Variants in GRIK4 observed in about 807,000 individuals in gnomAD.
GRIK4 encodes glutamate receptor ionotropic, kainate 4.
GRIK4 carries 40 observed loss-of-function variants against 104.9 expected under a neutral mutation model. The ratio of observed to expected loss-of-function variants is 0.38; its 90% CI spans 0.30 to 0.50. GRIK4 has a LOEUF of 0.50. Among genes scored for constraint, GRIK4 ranks in the 20% least tolerant of loss-of-function variants. GRIK4 has a pLI of 0.93. For synonymous variants in GRIK4, 485 were observed against 524.9 expected, an observed-to-expected ratio of 0.92 and a Z score of 1.04; for missense variants, 1,047 against 1,308.1, an observed-to-expected ratio of 0.80 and a Z score of 3.08.
At chr11:120,740,928 G>A (rs1034943035) in intron 3 of GRIK4, among the ~76,000 whole-genome samples, 1 of 152,158 alleles carries the variant, frequency 6.6e-6, no homozygotes, top group African/African-American at 2.4e-5. Flanking sequence ...ATCTGAGACT[G>A]CACTGAGTGT....
At chr11:120,729,643 T>C (rs1382504218) in intron 3 of GRIK4, among the ~76,000 whole-genome samples, 1 of 152,204 alleles carries the variant, frequency 6.6e-6, no homozygotes, top group Non-Finnish European at 1.5e-5. Context: ...TTGAGCTCCT[T>C]ATATATTCTG....
At chr11:120,528,159 T>C (rs1947880138) in intron 1 of GRIK4, among the ~76,000 whole-genome samples, 1 of 152,212 alleles carries the variant, frequency 6.6e-6, no homozygotes, top group African/African-American at 2.4e-5. Flanking sequence ...GTATTTTTTG[T>C]GCAGACGTGG....
At chr11:120,984,014 G>GGGGCCT (rs1489526100) in intron 20 of GRIK4, among the ~76,000 whole-genome samples, 1 of 152,064 alleles carries the variant, frequency 6.6e-6, no homozygotes, top group African/African-American at 2.4e-5. Context: ...GGGTGTGATG[G>GGGGCCT]GGGCCTATAA....
intron 14 of GRIK4, among the ~76,000 whole-genome samples, chr11:120,948,985 G>A (rs770361494): frequency 3.3e-5 from 5 of 152,178 alleles, no homozygotes; most frequent in Non-Finnish European, 7.3e-5. Flanking sequence ...TCAATCTTGG[G>A]CAGTCTGGCT....
At chr11:120,894,373 C>G (rs920468548) in intron 11 of GRIK4, 1 of 152,228 alleles carries the variant, frequency 6.6e-6, no homozygotes, top group Admixed American at 6.5e-5. Context: ...TCCAACTTTG[C>G]GTTGCTGGTT....
At chr11:120,946,635 C>G (rs570077883) in intron 14 of GRIK4, among the ~76,000 whole-genome samples, 12 of 152,288 alleles carry the variant, frequency 7.9e-5, no homozygotes, top group Admixed American at 3.9e-4. Flanking sequence ...CATATACAGT[C>G]TCTGGTTTAA....
chr11:120,884,201 A>G lies in GRIK4; in HGVS notation c.1164+8958A>G, dbSNP rs112969092. On this transcript the variant is annotated intron_variant, in intron 11 of 20. Transcript: ENST00000527524. ...TCAAGCAGGGATGGTGATCATCATC[A>G]TATCTGCTTTATGTGCATCATAAAA... Among the ~76,000 whole-genome samples, 99 of 152,362 alleles carry G rather than the reference A, an allele frequency of 6.5e-4. 1 individual carries two copies. The highest frequency in any genetic ancestry group is 2.4e-3 in the African/African-American group (98 of 41,588).
chr11:120,690,580 A>C (rs927032914), intron 3 of GRIK4, among the ~76,000 whole-genome samples: 1 of 152,244 alleles, frequency 6.6e-6, no homozygotes, highest in Non-Finnish European at 1.5e-5. Flanking sequence ...CATGAATTGG[A>C]AGCCGGGTAA....
At chr11:120,604,171 C>CAAAAAA (rs59469495) in intron 1 of GRIK4, among the ~76,000 whole-genome samples, 1 of 51,780 alleles carries the variant, frequency 1.9e-5, no homozygotes, top group African/African-American at 8.1e-5. Context: ...GACTCCTTCT[C>CAAAAAA]AAAAAAAAAA....
At chr11:120,579,924 T>C (rs1313640878) in intron 1 of GRIK4, among the ~76,000 whole-genome samples, 1 of 151,846 alleles carries the variant, frequency 6.6e-6, no homozygotes, top group Admixed American at 6.6e-5. Flanking sequence ...CCTCCCACCC[T>C]TGGCGACCAC....
chr11:120,874,765 A>T (rs1954729583), intron 10 of GRIK4, among the ~76,000 whole-genome samples: 1 of 152,162 alleles, frequency 6.6e-6, no homozygotes, highest in South Asian at 2.1e-4. Context: ...AGTCATCCTG[A>T]CTTCCTGTGG....
rs765659712 is a variant in GRIK4, at chr11:120,905,455, G to A, written c.1438G>A (p.Gly480Ser). Residue 480 changes from glycine to serine, a missense_variant, in exon 13 of 21, where the codon GGC (glycine) becomes AGC (serine). By Grantham distance (56) the Gly-to-Ser change is moderately conservative (BLOSUM62 0). This residue lies in a region of GRIK4 where 440 missense variants were observed against 652.3 expected (regional missense o/e 0.67). Coordinates refer to ENST00000527524, the MANE Select transcript of GRIK4 (RefSeq NM_014619.5). The surrounding 1 kb of genome is among the most constrained non-coding windows in gnomAD (Gnocchi z 5.1). ...CGTGTACGGCGTTCCCGAGGCCAAC[G>A]GCACCTGGACGGGAATGGTCGGGGA... ...DGVYGVPEAN[G>S]TWTGMVGELI... The A allele has an allele frequency of 6.2e-7, 1 of 1,613,236 alleles. No homozygotes were observed. Among genetic ancestry groups the A allele is most frequent in the Non-Finnish European group, 8.5e-7 (1 of 1,179,830 alleles).
chr11:120,624,135 G>T (rs1351248126), intron 1 of GRIK4, among the ~76,000 whole-genome samples: 1 of 152,204 alleles, frequency 6.6e-6, no homozygotes, highest in East Asian at 1.9e-4. Context: ...AGTAACACAA[G>T]ATAGTGTTTT....
At chr11:120,569,641 T>C (rs892119057) in intron 1 of GRIK4, among the ~76,000 whole-genome samples, 2 of 152,194 alleles carry the variant, frequency 1.3e-5, no homozygotes, top group African/African-American at 4.8e-5. Flanking sequence ...AGAGTAGTGA[T>C]GCGTAGAGTG....
At chr11:120,589,466 T>C (rs993956033) in intron 1 of GRIK4, among the ~76,000 whole-genome samples, 2 of 152,166 alleles carry the variant, frequency 1.3e-5, no homozygotes, top group African/African-American at 4.8e-5. Flanking sequence ...GCTTGGGAAC[T>C]CCTGCTAGCT....
chr11:120,802,553 G>A (rs1316433505), intron 3 of GRIK4, 140 bp from the exon 4 acceptor site: 7 of 709,548 alleles, frequency 9.9e-6, no homozygotes, highest in Non-Finnish European at 1.2e-5. Context: ...TCTGGGGGAC[G>A]GTTCTGAGCA....
chr11:120,749,134 C>T (rs968928648), intron 3 of GRIK4, among the ~76,000 whole-genome samples: 3 of 152,098 alleles, frequency 2.0e-5, no homozygotes, highest in African/African-American at 7.2e-5. Flanking sequence ...GAGTTGGATC[C>T]CTGCTTGGCC....
At chr11:120,929,914 G>A (rs1943445440) in intron 13 of GRIK4, among the ~76,000 whole-genome samples, 1 of 151,900 alleles carries the variant, frequency 6.6e-6, no homozygotes, top group African/African-American at 2.4e-5. Flanking sequence ...CCAGCCTCCT[G>A]ACAAAAATCC....
rs917613680 is a variant in GRIK4 at position 120,517,566 on chromosome 11, C to T, written c.-159+5679C>T. On this transcript the variant is annotated intron_variant, in intron 1 of 20. Coordinates refer to ENST00000527524, the MANE Select transcript of GRIK4 (RefSeq NM_014619.5). ...AGTGGTGAGGGTGATAGCTGTGCTA[C>T]GCTGCGGGGTGTTGGGAGAGAGGAC... Among the ~76,000 whole-genome samples the T allele has an allele frequency of 6.2e-5, 8 of 128,294 alleles. 2 individuals are homozygous for T. The highest frequency in any genetic ancestry group is 2.6e-4 in the African/African-American group (8 of 30,954). 84.2% of individuals were successfully genotyped at this position (128,294 alleles called of 152,430 possible).
Sources: gnomAD v4.1 joint callset for allele counts (sites outside exome capture counted in the v4.1 genomes callset) on GRCh38, gnomAD v4.1.1 for gene constraint, gnomAD v4.1.1 regional missense constraint, Gnocchi (gnomAD v3.1) non-coding constraint, MANE v1.5 for transcripts, NCBI Gene and HGNC (gene_info 2026-07-23, HGNC 2026-07-21) for gene names.